The following NOX3 variants were observed in gnomAD, a reference collection of about 807,000 sequenced individuals.
NOX3 encodes NADPH oxidase 3, also known as NADPH oxidase catalytic subunit-like 3.
A neutral mutation model predicts 76.7 loss-of-function variants in NOX3; 74 were observed. That is an observed-to-expected ratio of 0.96 (90% CI 0.80 to 1.17). The LOEUF is 1.17. Ranked by LOEUF, NOX3 falls within the 50% of genes most tolerant of loss-of-function variation. The probability of loss-of-function intolerance (pLI) is 0.00; values close to 1 mark genes in which losing one functional copy is unlikely to be tolerated. For missense variants in NOX3, 695 were observed against 703.3 expected (o/e 0.99, Z 0.13); for synonymous variants, 263 against 261.1 (o/e 1.01, Z -0.07).
chr6:155,412,742 G>T (rs1168203940), intron 10 of NOX3, among the ~76,000 whole-genome samples: 1 of 152,102 alleles, frequency 6.6e-6, no homozygotes, highest in Non-Finnish European at 1.5e-5. Context: ...ATGAGCAAGG[G>T]GCTCACGTTC....
At chr6:155,445,900 T>TTA (rs1408129226) in intron 4 of NOX3, among the ~76,000 whole-genome samples, 6 of 78,594 alleles carry the variant, frequency 7.6e-5, no homozygotes, top group African/African-American at 2.4e-4. Context: ...TATATATATA[T>TTA]TATATATATG....
intron 10 of NOX3, among the ~76,000 whole-genome samples, chr6:155,412,006 T>C (rs1352552022): frequency 6.6e-6 from 1 of 151,982 alleles, no homozygotes; most frequent in Non-Finnish European, 1.5e-5. Context: ...GCAAATGGCA[T>C]GTGACAAAAA....
At chr6:155,430,980 G>T (rs1156913073) in intron 7 of NOX3, 45 bp from the exon 8 acceptor site, 8 of 1,187,774 alleles carry the variant, frequency 6.7e-6, no homozygotes, top group Non-Finnish European at 9.9e-6. Context: ...AATGAAAATA[G>T]AATCCAAATA....
chr6:155,436,635 C>T (rs1582942587), intron 6 of NOX3, 88 bp from the exon 7 acceptor site: 1 of 1,362,056 alleles, frequency 7.3e-7, no homozygotes, highest in South Asian at 1.3e-5. Flanking sequence ...AGGTATATAT[C>T]CTACAGTGAG....
intron 5 of NOX3, among the ~76,000 whole-genome samples, chr6:155,441,780 A>T (rs1202065392): frequency 6.6e-6 from 1 of 152,112 alleles, no homozygotes; most frequent in Non-Finnish European, 1.5e-5. Context: ...CAAAATGTTG[A>T]GATTTATTCT....
At chr6:155,405,470 A>G (rs1776437474) in intron 12 of NOX3, among the ~76,000 whole-genome samples, 1 of 152,164 alleles carries the variant, frequency 6.6e-6, no homozygotes, top group African/African-American at 2.4e-5. Context: ...GGCTCCAAAC[A>G]GTCCATGTGC....
chr6:155,446,093 G>A (rs566968676), intron 4 of NOX3, among the ~76,000 whole-genome samples: 4 of 150,970 alleles, frequency 2.6e-5, no homozygotes, highest in African/African-American at 4.9e-5. Flanking sequence ...CAAAGCACTC[G>A]ATAGTGTTTC....
chr6:155,445,938 G>GATATATAATATATATATGCTATAT (rs1250697030), intron 4 of NOX3, among the ~76,000 whole-genome samples: 28 of 128,804 alleles, frequency 2.2e-4, no homozygotes, highest in African/African-American at 5.2e-4. Context: ...ATATGCTATA[G>GATATATAATATATATATGCTATAT]ATATATAATA....
At chr6:155,450,419 T>C (rs1165121804) in intron 4 of NOX3, among the ~76,000 whole-genome samples, 1 of 152,200 alleles carries the variant, frequency 6.6e-6, no homozygotes, top group Non-Finnish European at 1.5e-5. Flanking sequence ...TCCTGTACCA[T>C]TCCCAGTGAT....
intron 8 of NOX3, 44 bp downstream of exon 8, chr6:155,430,799 A>G: frequency 1.4e-6 from 2 of 1,384,042 alleles, no homozygotes; most frequent in East Asian, 2.3e-5. Flanking sequence ...AAAAATTTTC[A>G]TCTACACTCA....
intron 4 of NOX3, among the ~76,000 whole-genome samples, chr6:155,452,221 A>G (rs906071243): frequency 6.6e-6 from 1 of 152,130 alleles, no homozygotes; most frequent in Non-Finnish European, 1.5e-5. Context: ...AATTTTAGAT[A>G]ATTTTCAAGG....
At chr6:155,426,944 A>T (rs1291215818) in intron 9 of NOX3, among the ~76,000 whole-genome samples, 1 of 135,212 alleles carries the variant, frequency 7.4e-6, no homozygotes, top group Non-Finnish European at 1.5e-5. Context: ...GGCGATGCCA[A>T]GGGGAGAGCA....
intron 9 of NOX3, among the ~76,000 whole-genome samples, chr6:155,424,292 G>A (rs145993043): frequency 2.6e-5 from 4 of 151,342 alleles, no homozygotes; most frequent in African/African-American, 7.3e-5. Context: ...TAGGAAAGTA[G>A]GAGTCAGGGC....
At chr6:155,439,531 A>G (rs1210324439) in intron 6 of NOX3, among the ~76,000 whole-genome samples, 3 of 152,206 alleles carry the variant, frequency 2.0e-5, no homozygotes, top group Non-Finnish European at 4.4e-5. Context: ...CAGACTGCCC[A>G]TGCCACACAT....
chr6:155,422,892 C>T, intron 9 of NOX3, 36 bp from the exon 10 acceptor site: 2 of 1,610,054 alleles, frequency 1.2e-6, no homozygotes, highest in Non-Finnish European at 1.7e-6. Context: ...ATTTGACCTT[C>T]AGAACACCTT....
At chr6:155,416,686 CG>C (rs1662440133) in intron 10 of NOX3, among the ~76,000 whole-genome samples, 1 of 150,700 alleles carries the variant, frequency 6.6e-6, no homozygotes. Flanking sequence ...TTTGGGCCTC[CG>C]TTTGGTCTAA....
intron 12 of NOX3, among the ~76,000 whole-genome samples, chr6:155,400,689 C>A (rs1013055875): frequency 6.6e-6 from 1 of 150,616 alleles, no homozygotes; most frequent in African/African-American, 2.5e-5. Context: ...TAGCAGCCTA[C>A]GACATTACTT....
intron 10 of NOX3, among the ~76,000 whole-genome samples, chr6:155,420,406 T>G (rs1776674363): frequency 6.6e-6 from 1 of 152,156 alleles, no homozygotes; most frequent in African/African-American, 2.4e-5. Flanking sequence ...AAGGAAGAAC[T>G]TAGGGTGGCT....
intron 12 of NOX3, 138 bp downstream of exon 12, chr6:155,406,992 C>G: frequency 1.1e-6 from 1 of 897,662 alleles, no homozygotes; most frequent in South Asian, 1.8e-5. Context: ...TGAAATATAC[C>G]ATTGATCACC....
Sources: allele counts gnomAD v4.1 joint callset (sites outside exome capture counted in the v4.1 genomes callset), GRCh38; gene constraint gnomAD v4.1.1; transcripts MANE v1.5; gene names NCBI Gene and HGNC (gene_info 2026-07-23, HGNC 2026-07-21).